FGL1: variants seen among roughly 807,000 people sequenced by gnomAD.
FGL1 encodes the protein fibrinogen like 1.
FGL1 carries 59 observed loss-of-function variants against 43.7 expected under a neutral mutation model. The observed-to-expected ratio is 1.35, with a 90% CI of 1.10 to 1.68. FGL1 has a LOEUF of 1.68. Ranked by LOEUF, FGL1 falls within the 40% of genes most tolerant of loss-of-function variation. The pLI is 0.00. For missense variants in FGL1, 596 were observed against 373.0 expected, an observed-to-expected ratio of 1.60 and a Z score of -4.92; for synonymous variants, 192 against 126.5, an observed-to-expected ratio of 1.52 and a Z score of -3.48.
chr8:17,875,235 C>T (rs1474610683), intron 3 of FGL1, among the ~76,000 whole-genome samples: 1 of 152,154 alleles, frequency 6.6e-6, no homozygotes, highest in African/African-American at 2.4e-5. Context: ...AGGTTTGTTA[C>T]ATATGTATAT....
At chr8:17,870,999 G>A (rs2053351228) in intron 5 of FGL1, among the ~76,000 whole-genome samples, 1 of 151,538 alleles carries the variant, frequency 6.6e-6, no homozygotes, top group East Asian at 1.9e-4. Context: ...ACAAACTCAA[G>A]GCTGTTGGGG....
intron 7 of FGL1, among the ~76,000 whole-genome samples, chr8:17,867,259 A>G (rs6586666): frequency 0.048 from 7,335 of 152,246 alleles, 624 homozygotes; most frequent in African/African-American, 0.17. Context: ...GTGAGTAACG[A>G]GCAGATAAAG....
At position 17,892,642 on chromosome 8, in the gene FGL1, A is replaced by G. The variant is rs530703051; in HGVS notation, c.-18+2805T>C. Among the ~76,000 whole-genome samples, 5 of 152,288 alleles carry G rather than the reference A, an allele frequency of 3.3e-5. No individual in the cohort carries two copies. In the South Asian group the frequency reaches 1.0e-3, roughly 32 times the overall value. On this transcript the variant is annotated intron_variant, in intron 1 of 7. Coordinates refer to ENST00000427924, the MANE Select transcript of FGL1 (RefSeq NM_004467.4). ...TGTATTTAATAGATTACTGATTAGG[A>G]TTTTTCCTTGATAAATGAAACTGCT... is the stretch of plus-strand genomic sequence containing the variant.
At position 17,864,632 on chromosome 8, in the gene FGL1, A is replaced by G. The variant is rs766847117; in HGVS notation, c.899T>C (p.Met300Thr). The G allele has an allele frequency of 9.9e-6, 16 of 1,611,442 alleles. No individual in the cohort carries two copies. Among genetic ancestry groups the G allele is most frequent in the South Asian group, 5.5e-5 (5 of 90,522 alleles). Residue 300 changes from methionine (M) to threonine (T), a missense_variant, in exon 8 of 8, where the codon ATG becomes ACG. Transcript: ENST00000427924. The part of the protein sequence containing the change: ...GWWYSLKSVV[M>T]KIRPNDFIPN... ...AATAAAATCATTTGGCCTAATTTTCATAACCACAGATTTCAGAGAATACCA... is the reference window on the plus strand; with the variant it reads ...AATAAAATCATTTGGCCTAATTTTCGTAACCACAGATTTCAGAGAATACCA...
intron 3 of FGL1, among the ~76,000 whole-genome samples, chr8:17,876,565 C>G (rs2053459136): frequency 6.6e-6 from 1 of 152,066 alleles, no homozygotes; most frequent in African/African-American, 2.4e-5. Flanking sequence ...AGAAGCAAAA[C>G]AATGAGAAAA....
chr8:17,865,942 G>A (rs564289613), intron 7 of FGL1, among the ~76,000 whole-genome samples: 2 of 152,234 alleles, frequency 1.3e-5, no homozygotes, highest in African/African-American at 2.4e-5. Context: ...TTAAATGGAC[G>A]TAATTAATTG....
rs185895435 is a variant in FGL1 at position 17,868,471 on chromosome 8, C to T, written c.779+77G>A. On this transcript the variant is annotated intron_variant, in intron 7 of 7. Transcript: ENST00000427924. ...ATAAATAAAGACTAACATTACCATA[C>T]ATATTATATTGATAATTAATGTCTA... The T allele has an allele frequency of 1.9e-4, 201 of 1,050,096 alleles. 2 individuals are homozygous for T. Among genetic ancestry groups the T allele is most frequent in the Middle Eastern group, 1.1e-3 (5 of 4,666 alleles). 65.0% of individuals were successfully genotyped at this position (1,050,096 alleles called of 1,614,324 possible).
In FGL1 at chr8:17,868,583, G is replaced by T. The variant is rs138442840; in HGVS notation, c.744C>A (p.Cys248Ter). The T allele has an allele frequency of 1.1e-5, 18 of 1,613,450 alleles. No individual in the cohort carries two copies. In the African/African-American group the frequency reaches 2.0e-4, roughly 18 times the overall value. The change falls in exon 7 of 8, where the codon TGC (cysteine) becomes TGA (stop). Residue 248 changes from cysteine (C) to a stop codon, truncating the protein, a stop_gained. Coordinates refer to ENST00000427924, the MANE Select transcript of FGL1 (RefSeq NM_004467.4). LOFTEE classifies it high-confidence loss of function. Reference protein sequence around the residue: ...DRDHDNYEGNCAEEDQSGWWF... With the variant: ...DRDHDNYEGN ...ACCAGCCAGACTGATCTTCTTCTGC[G>T]CAGTTCCCTTCATAGTTGTCATGAT...
intron 1 of FGL1, chr8:17,885,853 G>T (rs894939932): frequency 6.0e-5 from 17 of 284,764 alleles, no homozygotes; most frequent in African/African-American, 2.8e-4. Context: ...GAAAGGCACA[G>T]GAGCATTTTA....
Position 17,868,617 on chromosome 8 carries a change from C to G in FGL1, c.710G>C (p.Trp237Ser), listed in dbSNP as rs563271358. ...ASHQRMKFST[W>S]DRDHDNYEGN... ...TTCATAGTTGTCATGATCTCTGTCC[C>G]ACGTGCTGAATTTCATTCTTTGGTG... Residue 237 changes from tryptophan (W) to serine (S), a missense_variant, in exon 7 of 8, where the codon TGG (tryptophan) becomes TCG (serine). Transcript: ENST00000427924. 3 of 1,614,088 alleles carry G rather than the reference C, an allele frequency of 1.9e-6. No individual in the cohort carries two copies. In the African/African-American group the frequency reaches 4.0e-5, roughly 22 times the overall value.
In FGL1 at chr8:17,874,370, G is replaced by C. The variant is rs748661649; in HGVS notation, c.396C>G (p.Asn132Lys). ...VIQRRSDGSE[N>K]FNRGWKDYEN... ...CATCATAATTAGCACACCTGTTAAA[G>C]TTTTCACTGCCATCAGATCGTCTCT... Residue 132 changes from asparagine (N) to lysine (K), a missense_variant, in exon 4 of 8, where the codon AAC becomes AAG. Coordinates refer to ENST00000427924, the MANE Select transcript of FGL1 (RefSeq NM_004467.4). 6 of 1,612,388 alleles carry C rather than the reference G, an allele frequency of 3.7e-6. No homozygotes were observed. Among genetic ancestry groups the C allele is most frequent in the Non-Finnish European group, 5.1e-6 (6 of 1,179,508 alleles).
At position 17,864,653 on chromosome 8, in the gene FGL1, T is replaced by A; in HGVS notation, c.878A>T (p.Tyr293Phe). The change falls in exon 8 of 8, where the codon TAT (tyrosine) becomes TTT (phenylalanine). Residue 293 changes from tyrosine to phenylalanine, a missense_variant. Tyr to Phe is a conservative substitution (Grantham distance 22). Coordinates refer to ENST00000427924, the MANE Select transcript of FGL1 (RefSeq NM_004467.4). ...IVWYTWHGWW[Y>F]SLKSVVMKIR... ...TTTCATAACCACAGATTTCAGAGAA[T>A]ACCACCACCCATGCCAGGTGTACCA... 6.2e-7 allele frequency: 1 copy of A among 1,613,754 alleles called. No homozygotes were observed. Among genetic ancestry groups the A allele is most frequent in the Non-Finnish European group, 8.5e-7 (1 of 1,179,916 alleles).
intron 1 of FGL1, among the ~76,000 whole-genome samples, chr8:17,887,061 G>A (rs2053639116): frequency 6.6e-6 from 1 of 152,124 alleles, no homozygotes; most frequent in African/African-American, 2.4e-5. Flanking sequence ...GATGCTCCAG[G>A]TGACATGACA....
chr8:17,864,506 T>C lies in FGL1; in HGVS notation c.*86A>G, dbSNP rs904971881. 30 of 1,388,476 alleles carry C rather than the reference T, an allele frequency of 2.2e-5. No individual in the cohort carries two copies. The highest frequency in any genetic ancestry group is 2.0e-4 in the African/African-American group (14 of 68,364). 86.0% of individuals were successfully genotyped at this position (1,388,476 alleles called of 1,614,324 possible). A position where few individuals can be genotyped will look rare whatever the true frequency, so the allele number is the denominator to read the frequency against. ...GCACTACTCACAACAGTTATCATGA[T>C]TGCGCATGGATATGTTCAGAATGAG... On this transcript the variant is annotated 3_prime_UTR_variant, in exon 8 of 8. Coordinates refer to ENST00000427924, the MANE Select transcript of FGL1 (RefSeq NM_004467.4).
intron 3 of FGL1, among the ~76,000 whole-genome samples, chr8:17,881,329 G>A (rs1011995303): frequency 1.3e-5 from 2 of 151,494 alleles, no homozygotes; most frequent in African/African-American, 4.9e-5. Flanking sequence ...TAGAGATGGG[G>A]TTTCACCATA....
chr8:17,885,498 T>C lies in FGL1; in HGVS notation c.57A>G (p.Glu19=). The C allele has an allele frequency of 6.2e-7, 1 of 1,611,870 alleles. No homozygotes were observed. Among genetic ancestry groups the C allele is most frequent in the Non-Finnish European group, 8.5e-7 (1 of 1,178,674 alleles). The part of the protein sequence containing the change: ...LVTTALTMGR[E]ISALEDCAQE... The stretch of plus-strand genomic sequence containing the variant: ...GTTTTCCCAAGAAGCTTACCGAAAT[T>C]TCCCTGCCCATTGTCAGAGCGGTGG... The change falls in exon 2 of 8, where the codon GAA becomes GAG. Residue 19 remains glutamate, a synonymous_variant. Transcript: ENST00000427924.
intron 3 of FGL1, among the ~76,000 whole-genome samples, chr8:17,879,732 T>C (rs1417023272): frequency 6.6e-6 from 1 of 152,118 alleles, no homozygotes; most frequent in African/African-American, 2.4e-5. Context: ...TTAAACCTCT[T>C]TTCTTTATAA....
intron 3 of FGL1, 92 bp from the exon 4 acceptor site, chr8:17,874,613 TG>T: frequency 1.1e-6 from 1 of 887,070 alleles, no homozygotes; most frequent in Non-Finnish European, 1.7e-6. Context: ...TCAGTATCAC[TG>T]GAGACAGATA....
intron 3 of FGL1, among the ~76,000 whole-genome samples, chr8:17,878,239 A>G (rs2053486102): frequency 6.6e-6 from 1 of 152,188 alleles, no homozygotes; most frequent in South Asian, 2.1e-4. Context: ...GGCATGATTC[A>G]TGGCACCTGG....
Sources: allele counts gnomAD v4.1 joint callset (sites outside exome capture counted in the v4.1 genomes callset), GRCh38; gene constraint gnomAD v4.1.1; transcripts MANE v1.5; gene names NCBI Gene and HGNC (gene_info 2026-07-23, HGNC 2026-07-21).